Variants in NR2F1-AS1 observed in about 807,000 individuals in gnomAD.
The protein encoded by NR2F1-AS1 is NR2F1 regulatory antisense RNA 1.
At chr5:93,522,529 A>G (rs1026804481) in intron 4 of NR2F1-AS1, among the ~76,000 whole-genome samples, 1 of 152,202 alleles carries the variant, frequency 6.6e-6, no homozygotes, top group Non-Finnish European at 1.5e-5. Context: ...ACAAACATAG[A>G]ATGTGAAATG....
chr5:93,577,048 G>A (rs1752912446), intron 1 of NR2F1-AS1, among the ~76,000 whole-genome samples: 2 of 152,074 alleles, frequency 1.3e-5, no homozygotes, highest in Admixed American at 6.5e-5. Flanking sequence ...GTAAATATTT[G>A]GCTCTAGCTT....
chr5:93,470,523 T>C (rs751001960), intron 4 of NR2F1-AS1, among the ~76,000 whole-genome samples: 1 of 151,844 alleles, frequency 6.6e-6, no homozygotes, highest in Non-Finnish European at 1.5e-5. Context: ...CATATCTATA[T>C]ATATATATAT....
intron 4 of NR2F1-AS1, among the ~76,000 whole-genome samples, chr5:93,469,100 A>G (rs1344443713): frequency 1.3e-5 from 2 of 152,082 alleles, no homozygotes; most frequent in African/African-American, 2.4e-5. Flanking sequence ...CTTATTTTTG[A>G]TACTCTCTAA....
At chr5:93,561,805 T>C (rs1752494495) in intron 2 of NR2F1-AS1, among the ~76,000 whole-genome samples, 2 of 152,266 alleles carry the variant, frequency 1.3e-5, no homozygotes, top group South Asian at 2.1e-4. Flanking sequence ...ATTATATTTA[T>C]ACACATACAT....
At chr5:93,510,163 C>T (rs1273197750) in intron 4 of NR2F1-AS1, among the ~76,000 whole-genome samples, 1 of 151,914 alleles carries the variant, frequency 6.6e-6, no homozygotes, top group Non-Finnish European at 1.5e-5. Flanking sequence ...AGCACTGGAC[C>T]CAGGGTCATG....
chr5:93,513,357 T>G (rs1396888015), intron 4 of NR2F1-AS1, among the ~76,000 whole-genome samples: 1 of 152,134 alleles, frequency 6.6e-6, no homozygotes, highest in East Asian at 1.9e-4. Flanking sequence ...AAAAGACACA[T>G]GTACTTGTAT....
In NR2F1-AS1 at chr5:93,500,108, T is replaced by C. The variant is rs560607234; in HGVS notation, n.638+53653A>G. Among the ~76,000 whole-genome samples the C allele has an allele frequency of 3.3e-5, 5 of 152,360 alleles. No individual in the cohort carries two copies. In the South Asian group the frequency reaches 1.0e-3, roughly 32 times the overall value. ...AGCTGCAGCAAGTTATCCAAAGATC[T>C]AGCTAAGATCACTGACAAAGATGGC... On this transcript the variant is annotated intron_variant and non_coding_transcript_variant, in intron 4 of 5. Transcript: ENST00000660523.
chr5:93,548,165 C>T (rs1353914725), intron 4 of NR2F1-AS1, among the ~76,000 whole-genome samples: 1 of 152,094 alleles, frequency 6.6e-6, no homozygotes, highest in Non-Finnish European at 1.5e-5. Context: ...AATGACTGTC[C>T]TATTACTAAA....
At chr5:93,525,970 T>A (rs908540673) in intron 4 of NR2F1-AS1, among the ~76,000 whole-genome samples, 2 of 151,656 alleles carry the variant, frequency 1.3e-5, no homozygotes, top group Non-Finnish European at 2.9e-5. Context: ...AGCAAAAAAA[T>A]TCAAAAGCTA....
intron 2 of NR2F1-AS1, among the ~76,000 whole-genome samples, chr5:93,557,151 T>C (rs1454889419): frequency 2.0e-5 from 3 of 152,312 alleles, no homozygotes; most frequent in African/African-American, 4.8e-5. Context: ...AATCATTCTA[T>C]AGATATTAGG....
At chr5:93,543,692 C>CT (rs1176978401) in intron 4 of NR2F1-AS1, 2 of 152,148 alleles carry the variant, frequency 1.3e-5, no homozygotes, top group African/African-American at 4.8e-5. Context: ...AACTTACAAA[C>CT]TTTTTTAACA....
chr5:93,461,614 G>C (rs1750096059), intron 4 of NR2F1-AS1, among the ~76,000 whole-genome samples: 1 of 152,170 alleles, frequency 6.6e-6, no homozygotes, highest in Non-Finnish European at 1.5e-5. Flanking sequence ...TGTAGAGTGA[G>C]ATGTAGTTCT....
chr5:93,448,047 C>G (rs905493399), intron 4 of NR2F1-AS1, among the ~76,000 whole-genome samples: 1 of 151,774 alleles, frequency 6.6e-6, no homozygotes, highest in Non-Finnish European at 1.5e-5. Flanking sequence ...CAGGGCCTGT[C>G]GTGGGGTGGA....
intron 4 of NR2F1-AS1, among the ~76,000 whole-genome samples, chr5:93,411,973 C>T (rs977853019): frequency 6.6e-6 from 1 of 152,152 alleles, no homozygotes; most frequent in African/African-American, 2.4e-5. Context: ...AAGCAAAGAA[C>T]ATTTTCTTCA....
chr5:93,487,747 A>G (rs747305005), intron 4 of NR2F1-AS1, among the ~76,000 whole-genome samples: 9 of 152,168 alleles, frequency 5.9e-5, no homozygotes, highest in Non-Finnish European at 1.2e-4. Context: ...AAACTACTTT[A>G]AACTTGATAT....
chr5:93,496,883 A>G (rs537706235), intron 4 of NR2F1-AS1, among the ~76,000 whole-genome samples: 8 of 152,332 alleles, frequency 5.3e-5, no homozygotes, highest in African/African-American at 1.9e-4. Context: ...ATGCAGCTAC[A>G]CAGGTCACTT....
At chr5:93,490,470 G>A (rs1434964309) in intron 4 of NR2F1-AS1, among the ~76,000 whole-genome samples, 1 of 149,056 alleles carries the variant, frequency 6.7e-6, no homozygotes, top group East Asian at 2.0e-4. Flanking sequence ...GTGGTGATAG[G>A]GGTAGTGGCG....
At chr5:93,463,219 A>G (rs1561450695) in intron 4 of NR2F1-AS1, among the ~76,000 whole-genome samples, 1 of 152,168 alleles carries the variant, frequency 6.6e-6, no homozygotes, top group Non-Finnish European at 1.5e-5. Context: ...CACTCTAGCC[A>G]TGGTTAAAAG....
intron 1 of NR2F1-AS1, chr5:93,570,160 G>T (rs935133130): frequency 1.3e-5 from 2 of 152,186 alleles, no homozygotes; most frequent in Admixed American, 1.3e-4. Context: ...TTCCCGCCTT[G>T]CAGATGGGTG....
Sources: gnomAD v4.1 joint callset for allele counts (sites outside exome capture counted in the v4.1 genomes callset) on GRCh38, gnomAD v4.1.1 for gene constraint, MANE v1.5 for transcripts, NCBI Gene and HGNC (gene_info 2026-07-23, HGNC 2026-07-21) for gene names.